The following TRAPPC9 variants were observed in gnomAD, a reference collection of about 807,000 sequenced individuals.
TRAPPC9 encodes IKK2 binding protein.
A neutral mutation model predicts 124.0 loss-of-function variants in TRAPPC9; 83 were observed. The ratio of observed to expected loss-of-function variants is 0.67; its 90% CI spans 0.56 to 0.80. The LOEUF (loss-of-function observed/expected upper bound fraction) is 0.80. TRAPPC9 is among the 30% of genes least tolerant of loss of function. The probability of loss-of-function intolerance (pLI) is 0.00; values close to 1 mark genes in which losing one functional copy is unlikely to be tolerated. For missense variants in TRAPPC9, 1,302 were observed against 1,508.3 expected, an observed-to-expected ratio of 0.86 and a Z score of 2.27; for synonymous variants, 638 against 617.5, an observed-to-expected ratio of 1.03 and a Z score of -0.49.
At chr8:140,022,320 T>G (rs1223795334) in intron 18 of TRAPPC9, among the ~76,000 whole-genome samples, 3 of 151,688 alleles carry the variant, frequency 2.0e-5, no homozygotes, top group Admixed American at 6.6e-5. Flanking sequence ...TTAGAAGACA[T>G]CAAATCTCAA....
At chr8:140,379,026 C>T (rs1322365018) in intron 7 of TRAPPC9, among the ~76,000 whole-genome samples, 1 of 151,700 alleles carries the variant, frequency 6.6e-6, no homozygotes, top group Non-Finnish European at 1.5e-5. Context: ...ATTGTCAAAA[C>T]AAAAATCACT....
At chr8:140,112,510 T>G (rs1189728817) in intron 17 of TRAPPC9, among the ~76,000 whole-genome samples, 1 of 152,118 alleles carries the variant, frequency 6.6e-6, no homozygotes, top group Non-Finnish European at 1.5e-5. Context: ...CCAGATAATG[T>G]CAGAGCTCCC....
At chr8:140,298,544 C>T (rs755701838) in intron 11 of TRAPPC9, among the ~76,000 whole-genome samples, 4 of 152,050 alleles carry the variant, frequency 2.6e-5, no homozygotes, top group Non-Finnish European at 4.4e-5. Context: ...CCCACCCACT[C>T]GGGAGGCTGA....
At chr8:139,889,641 A>G (rs925613320) in intron 20 of TRAPPC9, among the ~76,000 whole-genome samples, 13 of 152,178 alleles carry the variant, frequency 8.5e-5, no homozygotes, top group African/African-American at 3.1e-4. Context: ...ACGAAGGTAG[A>G]TTTTCTTAAA....
chr8:140,422,863 G>C (rs1460219618), intron 5 of TRAPPC9, among the ~76,000 whole-genome samples: 1 of 151,552 alleles, frequency 6.6e-6, no homozygotes, highest in Non-Finnish European at 1.5e-5. Flanking sequence ...AAAATATAGA[G>C]ATGACAATAA....
chr8:140,317,336 G>A (rs776032257), intron 9 of TRAPPC9, among the ~76,000 whole-genome samples: 4 of 151,946 alleles, frequency 2.6e-5, no homozygotes, highest in Non-Finnish European at 4.4e-5. Context: ...TTTTGATGTA[G>A]GCACCATCTT....
chr8:140,166,034 C>T (rs1438876888), intron 17 of TRAPPC9, among the ~76,000 whole-genome samples: 4 of 152,306 alleles, frequency 2.6e-5, no homozygotes, highest in African/African-American at 4.8e-5. Context: ...CCAGGAGCCC[C>T]GCCTGCATGC....
chr8:139,821,093 T>G (rs1223865593), intron 21 of TRAPPC9, among the ~76,000 whole-genome samples: 2 of 152,186 alleles, frequency 1.3e-5, no homozygotes, highest in East Asian at 3.8e-4. Flanking sequence ...AGGCAGTCTT[T>G]TCCTACTCCA....
At chr8:140,275,198 A>C (rs768329244) in intron 15 of TRAPPC9, among the ~76,000 whole-genome samples, 1 of 152,168 alleles carries the variant, frequency 6.6e-6, no homozygotes, top group Non-Finnish European at 1.5e-5. Context: ...TTCCCCAAGG[A>C]CAAATAGCTA....
intron 16 of TRAPPC9, among the ~76,000 whole-genome samples, chr8:140,234,198 C>T (rs190026279): frequency 6.2e-4 from 94 of 152,280 alleles, no homozygotes; most frequent in African/African-American, 2.2e-3. Context: ...AATACACACG[C>T]GAGGCATCTA....
chr8:139,877,843 A>G (rs1390390875), intron 21 of TRAPPC9, among the ~76,000 whole-genome samples: 1 of 152,236 alleles, frequency 6.6e-6, no homozygotes, highest in Non-Finnish European at 1.5e-5. Context: ...CCAAGTTCAC[A>G]GGACTTGACC....
At chr8:139,834,333 C>T (rs1251647729) in intron 21 of TRAPPC9, among the ~76,000 whole-genome samples, 1 of 152,216 alleles carries the variant, frequency 6.6e-6, no homozygotes, top group East Asian at 1.9e-4. Flanking sequence ...AAATGGAGAT[C>T]CAGGGAAGGC....
intron 5 of TRAPPC9, among the ~76,000 whole-genome samples, chr8:140,418,005 G>A (rs2070002053): frequency 6.6e-6 from 1 of 152,170 alleles, no homozygotes; most frequent in Non-Finnish European, 1.5e-5. Flanking sequence ...AGTGGGAGCT[G>A]AACAATGGTA....
rs992787264 is a variant in TRAPPC9, at chr8:140,063,357, A to G, written c.2557-39278T>C. 3.3e-5 allele frequency among the ~76,000 whole-genome samples: 5 copies of G among 152,086 alleles called. No homozygotes were observed. Among genetic ancestry groups the G allele is most frequent in the Non-Finnish European group, 5.9e-5 (4 of 68,006 alleles). On this transcript the variant is annotated intron_variant, in intron 17 of 22. Coordinates refer to ENST00000438773, the MANE Select transcript of TRAPPC9 (RefSeq NM_001160372.4). The surrounding 1 kb of genome is among the most constrained non-coding windows in gnomAD (Gnocchi z 4.3). ...TCACGTCACCACGCAGTCAATTCTCACGTACCTTTCACGAGCCAGGTAACA... is the reference window on the plus strand; with the variant it reads ...TCACGTCACCACGCAGTCAATTCTCGCGTACCTTTCACGAGCCAGGTAACA...
At chr8:139,764,526 C>T (rs372458306) in intron 21 of TRAPPC9, among the ~76,000 whole-genome samples, 73 of 152,278 alleles carry the variant, frequency 4.8e-4, no homozygotes, top group African/African-American at 1.6e-3. Context: ...CCTCTAGTGC[C>T]GGCAGAATGG....
chr8:140,374,172 G>A (rs2068366779), intron 7 of TRAPPC9, among the ~76,000 whole-genome samples: 2 of 152,228 alleles, frequency 1.3e-5, no homozygotes, highest in African/African-American at 2.4e-5. Flanking sequence ...ATTTGAGTAG[G>A]ACATGGCCTG....
chr8:140,053,706 C>T (rs1435587409), intron 17 of TRAPPC9, among the ~76,000 whole-genome samples: 1 of 152,176 alleles, frequency 6.6e-6, no homozygotes, highest in Non-Finnish European at 1.5e-5. Context: ...TCCCTTTAGT[C>T]AGTGTTTGCT....
At position 140,068,088 on chromosome 8, in the gene TRAPPC9, C is replaced by T. The variant is rs563089322; in HGVS notation, c.2557-44009G>A. Among the ~76,000 whole-genome samples, 9 of 152,142 alleles carry T rather than the reference C, an allele frequency of 5.9e-5. No individual in the cohort carries two copies. The East Asian group carries it at 9.7e-4, about 16-fold the overall frequency. On this transcript the variant is annotated intron_variant, in intron 17 of 22. Coordinates refer to ENST00000438773, the MANE Select transcript of TRAPPC9 (RefSeq NM_001160372.4). Reference sequence around the variant, plus strand: ...TGTGTATGCGGGTGGGTGGAGACCTCGTGTGGGAATTGTCAGTCTCCTGTG... The same window carrying T: ...TGTGTATGCGGGTGGGTGGAGACCTTGTGTGGGAATTGTCAGTCTCCTGTG...
chr8:140,457,329 G>GAGCAGAGCCGGCCCGGGC (rs1157172552), intron 1 of TRAPPC9, among the ~76,000 whole-genome samples: 2 of 152,334 alleles, frequency 1.3e-5, no homozygotes, highest in African/African-American at 4.8e-5. Context: ...GAGCTCGGGA[G>GAGCAGAGCCGGCCCGGGC]AGCAGAGCCG....
Sources: gnomAD v4.1 joint callset for allele counts (sites outside exome capture counted in the v4.1 genomes callset) on GRCh38, gnomAD v4.1.1 for gene constraint, Gnocchi (gnomAD v3.1) non-coding constraint, MANE v1.5 for transcripts, NCBI Gene and HGNC (gene_info 2026-07-23, HGNC 2026-07-21) for gene names.